The following BARD1 variants were observed in gnomAD, a reference collection of about 807,000 sequenced individuals.
BARD1 encodes the protein BRCA1-associated RING domain protein 1.
BARD1 carries 73 observed loss-of-function variants against 77.0 expected under a neutral mutation model. That is an observed-to-expected ratio of 0.95 (90% CI 0.79 to 1.15). The LOEUF is 1.15. BARD1 is among the 50% of genes most tolerant of loss of function. The pLI is 0.00. For synonymous variants in BARD1, 384 were observed against 338.0 expected (o/e 1.14, Z -1.49); for missense variants, 993 against 938.8 (o/e 1.06, Z -0.75).
At chr2:214,796,415 C>T (rs867933520) in intron 2 of BARD1, among the ~76,000 whole-genome samples, 2 of 152,058 alleles carry the variant, frequency 1.3e-5, no homozygotes, top group Non-Finnish European at 2.9e-5. Context: ...AAGTGGTATT[C>T]GTATGAAAAG....
At position 214,726,305 on chromosome 2, in the gene BARD1, G is replaced by C. The variant is rs1253797696; in HGVS notation, c.*2371C>G. 1 of 200,258 alleles carries C rather than the reference G, an allele frequency of 5.0e-6. No homozygotes were observed. Among genetic ancestry groups the C allele is most frequent in the African/African-American group, 2.3e-5 (1 of 43,592 alleles). 12.4% of individuals were successfully genotyped at this position (200,258 alleles called of 1,614,324 possible). A position where few individuals can be genotyped will look rare whatever the true frequency, so the allele number is the denominator to read the frequency against. ...AAGTGGCAGCTGTCAAGGAAAAAGG[G>C]AAACAGTTATAAATTCAAGTAGAAC... On this transcript the variant is annotated 3_prime_UTR_variant, in exon 11 of 11. Transcript: ENST00000260947.
At chr2:214,809,274 G>A (rs1251132539) in intron 1 of BARD1, 138 bp downstream of exon 1, 9 of 1,197,804 alleles carry the variant, frequency 7.5e-6, no homozygotes, top group Non-Finnish European at 9.3e-6. Flanking sequence ...ATATCCCCCG[G>A]CAGGTGCTAA....
chr2:214,802,612 A>G (rs1413471774), intron 1 of BARD1, among the ~76,000 whole-genome samples: 1 of 152,204 alleles, frequency 6.6e-6, no homozygotes, highest in Non-Finnish European at 1.5e-5. Context: ...CCTACCTAGC[A>G]TGGTGCTAGA....
rs786202670 is a variant in BARD1 at position 214,792,409 on chromosome 2, T to G, written c.252A>C (p.Pro84=). Residue 84 remains proline, a synonymous_variant, in exon 3 of 11, where the codon CCA becomes CCC. Transcript: ENST00000260947. ...GTATCCAGGCCGGGGTGTAACACAC[T>G]GGACATCCAGTTCCAATGCAGTCAC... ...CVSDCIGTGC[P]VCYTPAWIQD... The G allele has an allele frequency of 6.2e-7, 1 of 1,610,812 alleles. No homozygotes were observed. The highest frequency in any genetic ancestry group is 8.5e-7 in the Non-Finnish European group (1 of 1,179,228).
intron 9 of BARD1, among the ~76,000 whole-genome samples, chr2:214,743,020 T>C (rs905083855): frequency 2.0e-5 from 3 of 152,118 alleles, no homozygotes; most frequent in Non-Finnish European, 2.9e-5. Flanking sequence ...CAAAACTAAG[T>C]GAGACAAATT....
intron 4 of BARD1, among the ~76,000 whole-genome samples, chr2:214,770,367 G>A (rs1694424036): frequency 6.6e-6 from 1 of 152,090 alleles, no homozygotes; most frequent in Non-Finnish European, 1.5e-5. Flanking sequence ...CAGTACTCTG[G>A]AGAGCTATGC....
intron 4 of BARD1, among the ~76,000 whole-genome samples, chr2:214,775,962 T>C (rs1694720902): frequency 6.6e-6 from 1 of 152,238 alleles, no homozygotes; most frequent in Non-Finnish European, 1.5e-5. Flanking sequence ...TCTTCAAGTA[T>C]AATAAACTAC....
intron 1 of BARD1, among the ~76,000 whole-genome samples, chr2:214,802,035 G>A (rs1041745955): frequency 6.6e-6 from 1 of 152,102 alleles, no homozygotes; most frequent in Non-Finnish European, 1.5e-5. Flanking sequence ...ATTTTTTGTA[G>A]AGGTGGGGTT....
rs186514464 is a variant in BARD1, at chr2:214,779,380, C to T, written c.1314+1180G>A. 7.2e-5 allele frequency among the ~76,000 whole-genome samples: 11 copies of T among 152,012 alleles called. No homozygotes were observed. The East Asian group carries it at 7.7e-4, about 11-fold the overall frequency. ...AAATGCTATGTAGATAGTTGTTATA[C>T]GATATTTTTTAATTTGCATTTTTTT... On this transcript the variant is annotated intron_variant, in intron 4 of 10. Transcript: ENST00000260947.
At chr2:214,770,670 A>T (rs980655781) in intron 4 of BARD1, among the ~76,000 whole-genome samples, 3 of 152,180 alleles carry the variant, frequency 2.0e-5, no homozygotes, top group Non-Finnish European at 4.4e-5. Context: ...TCATGATCCA[A>T]CTAAATCCTA....
rs1243602400 is a variant in BARD1, at chr2:214,781,251, T to C, written c.623A>G (p.Lys208Arg). ...TTGGTTGATTTCAGCTAAAGTTTTCTTTTTTTGCTTTTTTCCAGATCTTGC... is the reference window on the plus strand; with the variant it reads ...TTGGTTGATTTCAGCTAAAGTTTTCCTTTTTTGCTTTTTTCCAGATCTTGC... ...ASARSGKKQK[K>R]KTLAEINQKW... The change falls in exon 4 of 11, where the codon AAG becomes AGG. Residue 208 changes from lysine to arginine, a missense_variant. Physicochemically the swap from Lys to Arg is conservative, Grantham distance 26. Transcript: ENST00000260947. 3 of 1,594,888 alleles carry C rather than the reference T, an allele frequency of 1.9e-6. No individual in the cohort carries two copies. Among genetic ancestry groups the C allele is most frequent in the Admixed American group, 1.8e-5 (1 of 54,550 alleles).
chr2:214,760,251 G>A (rs938161653), intron 6 of BARD1, among the ~76,000 whole-genome samples: 11 of 152,168 alleles, frequency 7.2e-5, no homozygotes, highest in Non-Finnish European at 1.5e-4. Context: ...GGAGGGTGGT[G>A]GCACGATCTC....
At chr2:214,757,844 G>A (rs1200199058) in intron 6 of BARD1, among the ~76,000 whole-genome samples, 1 of 152,050 alleles carries the variant, frequency 6.6e-6, no homozygotes, top group African/African-American at 2.4e-5. Context: ...AGAAAAGCGG[G>A]TACACAAACA....
intron 1 of BARD1, among the ~76,000 whole-genome samples, chr2:214,803,624 T>C (rs1342711019): frequency 2.0e-5 from 3 of 152,206 alleles, no homozygotes; most frequent in East Asian, 1.9e-4. Flanking sequence ...CTCCCCACTA[T>C]TGTCTTGTGA....
At chr2:214,742,570 T>C (rs553643795) in intron 9 of BARD1, among the ~76,000 whole-genome samples, 2 of 152,274 alleles carry the variant, frequency 1.3e-5, no homozygotes, top group African/African-American at 2.4e-5. Context: ...AAAAGAACCA[T>C]TGATATTAGA....
intron 3 of BARD1, among the ~76,000 whole-genome samples, chr2:214,788,869 T>C (rs913270138): frequency 7.2e-5 from 11 of 152,192 alleles, no homozygotes; most frequent in Admixed American, 1.3e-4. Flanking sequence ...AGATAATCAA[T>C]TACCACAAAG....
At chr2:214,731,484 T>G (rs1692354621) in intron 9 of BARD1, among the ~76,000 whole-genome samples, 1 of 152,238 alleles carries the variant, frequency 6.6e-6, no homozygotes, top group African/African-American at 2.4e-5. Flanking sequence ...GGCATATAAC[T>G]AAACTAAATT....
chr2:214,782,054 A>C (rs1695066207), intron 3 of BARD1, among the ~76,000 whole-genome samples: 1 of 152,186 alleles, frequency 6.6e-6, no homozygotes, highest in African/African-American at 2.4e-5. Context: ...AACAACCAAC[A>C]TAATACTGAA....
At chr2:214,768,237 C>T (rs59672229) in intron 5 of BARD1, among the ~76,000 whole-genome samples, 3,728 of 152,200 alleles carry the variant, frequency 0.024, 149 homozygotes, top group African/African-American at 0.085. Flanking sequence ...TTCCTTATGT[C>T]TAATGAACTA....
Sources: gnomAD v4.1 joint callset for allele counts (sites outside exome capture counted in the v4.1 genomes callset) on GRCh38, gnomAD v4.1.1 for gene constraint, MANE v1.5 for transcripts, NCBI Gene and HGNC (gene_info 2026-07-23, HGNC 2026-07-21) for gene names.